The following LRP1B variants were observed in gnomAD, a reference collection of about 807,000 sequenced individuals.
The protein encoded by LRP1B is LDL receptor related protein 1B.
A neutral mutation model predicts 556.6 loss-of-function variants in LRP1B; 217 were observed. That is an observed-to-expected ratio of 0.39 (90% CI 0.35 to 0.44). The LOEUF is 0.44. Among genes scored for constraint, LRP1B ranks in the 20% least tolerant of loss-of-function variants. LRP1B has a pLI of 1.00. For synonymous variants in LRP1B, 2,047 were observed against 1,865.8 expected, an observed-to-expected ratio of 1.10 and a Z score of -2.50; for missense variants, 5,053 against 5,620.8, an observed-to-expected ratio of 0.90 and a Z score of 3.23.
At chr2:140,554,075 C>T (rs1234310222) in intron 43 of LRP1B, among the ~76,000 whole-genome samples, 1 of 152,038 alleles carries the variant, frequency 6.6e-6, no homozygotes, top group African/African-American at 2.4e-5. Context: ...TATTCTGAGA[C>T]TCATTATTTT....
In LRP1B at chr2:141,302,547, T is replaced by A. The variant is rs539377587; in HGVS notation, c.344-47906A>T. Among the ~76,000 whole-genome samples, 39 of 152,212 alleles carry A rather than the reference T, an allele frequency of 2.6e-4. No homozygotes were observed. In the South Asian group the frequency reaches 6.2e-3, roughly 24 times the overall value. On this transcript the variant is annotated intron_variant, in intron 3 of 90. Coordinates refer to ENST00000389484, the MANE Select transcript of LRP1B (RefSeq NM_018557.3). ...TCCTTTTTAATTTCTCATGTTGACC[T>A]ATGCCATTTGTTTCATAAAAACAAA...
chr2:141,050,908 T>G (rs1166548455), intron 10 of LRP1B, among the ~76,000 whole-genome samples: 2 of 149,500 alleles, frequency 1.3e-5, no homozygotes, highest in Admixed American at 6.8e-5. Context: ...GTATCCAGAA[T>G]CTACAAGGAA....
intron 2 of LRP1B, among the ~76,000 whole-genome samples, chr2:141,733,918 G>A (rs934520181): frequency 4.6e-5 from 7 of 152,010 alleles, no homozygotes; most frequent in Admixed American, 1.3e-4. Context: ...AACCTATAAT[G>A]TTTAATTGCA....
intron 1 of LRP1B, among the ~76,000 whole-genome samples, chr2:141,854,894 A>G (rs941147785): frequency 1.9e-4 from 29 of 149,346 alleles, no homozygotes; most frequent in Non-Finnish European, 3.4e-4. Context: ...AAAAAGTCCT[A>G]AAAAAAATAG....
chr2:140,458,284 T>C (rs1687184742), intron 60 of LRP1B, among the ~76,000 whole-genome samples: 1 of 152,138 alleles, frequency 6.6e-6, no homozygotes, highest in Non-Finnish European at 1.5e-5. Flanking sequence ...AATTTAATAG[T>C]CATAAAACAG....
intron 12 of LRP1B, among the ~76,000 whole-genome samples, chr2:141,019,308 C>T (rs1288904303): frequency 6.6e-6 from 1 of 152,020 alleles, no homozygotes; most frequent in African/African-American, 2.4e-5. Flanking sequence ...TCACCCTAGA[C>T]TAATAAAAAG....
At position 140,388,445 on chromosome 2, in the gene LRP1B, A is replaced by G. The variant is rs1047150270; in HGVS notation, c.10415-2436T>C. Among the ~76,000 whole-genome samples the G allele has an allele frequency of 1.3e-4, 20 of 151,930 alleles. No individual in the cohort carries two copies. In the East Asian group the frequency reaches 3.9e-3, roughly 29 times the overall value. ...ATTTTTTTTTCTAAATCCATTTTGT[A>G]TTTTTTCTATATTTAAACATTTGTA... On this transcript the variant is annotated intron_variant, in intron 66 of 90. Coordinates refer to ENST00000389484, the MANE Select transcript of LRP1B (RefSeq NM_018557.3).
intron 1 of LRP1B, among the ~76,000 whole-genome samples, chr2:141,973,072 T>C: frequency 6.6e-6 from 1 of 151,714 alleles, no homozygotes; most frequent in East Asian, 1.9e-4. Context: ...TGTAGTGTTT[T>C]ATCAATATAT....
At chr2:141,651,040 C>A (rs1437352) in intron 2 of LRP1B, among the ~76,000 whole-genome samples, 1 of 151,950 alleles carries the variant, frequency 6.6e-6, no homozygotes, top group African/African-American at 2.4e-5. Context: ...CTTATCCATG[C>A]CGGACTTTAC....
At chr2:141,895,003 G>A (rs1438282193) in intron 1 of LRP1B, among the ~76,000 whole-genome samples, 3 of 142,614 alleles carry the variant, frequency 2.1e-5, no homozygotes, top group East Asian at 2.1e-4. Flanking sequence ...AGTTGAGTTC[G>A]TGCCATTGCA....
At chr2:142,082,406 G>A (rs1291365398) in intron 1 of LRP1B, among the ~76,000 whole-genome samples, 1 of 152,156 alleles carries the variant, frequency 6.6e-6, no homozygotes, top group East Asian at 1.9e-4. Context: ...TATCATTGGG[G>A]AGAGAATTCT....
At chr2:141,258,549 C>T (rs765978019) in intron 3 of LRP1B, among the ~76,000 whole-genome samples, 17 of 152,166 alleles carry the variant, frequency 1.1e-4, no homozygotes, top group Non-Finnish European at 2.5e-4. Context: ...ATTCCCCTGA[C>T]ACAGATCCAC....
At chr2:140,820,209 G>C (rs1160991010) in intron 31 of LRP1B, among the ~76,000 whole-genome samples, 2 of 152,056 alleles carry the variant, frequency 1.3e-5, no homozygotes, top group African/African-American at 4.8e-5. Context: ...TGAACTCCTG[G>C]CCTAAAGTGA....
intron 1 of LRP1B, among the ~76,000 whole-genome samples, chr2:142,093,065 G>C (rs1187436279): frequency 1.3e-5 from 2 of 151,952 alleles, no homozygotes; most frequent in East Asian, 3.9e-4. Context: ...TCTCCTGTCT[G>C]GTACTTTCAC....
chr2:140,776,869 T>TAA (rs34595856), intron 32 of LRP1B, among the ~76,000 whole-genome samples: 7 of 151,744 alleles, frequency 4.6e-5, no homozygotes, highest in African/African-American at 1.5e-4. Context: ...GTGCCACAGA[T>TAA]AAAAAAATAG....
intron 27 of LRP1B, among the ~76,000 whole-genome samples, chr2:140,861,323 C>T (rs1443707221): frequency 6.6e-6 from 1 of 152,190 alleles, no homozygotes; most frequent in Non-Finnish European, 1.5e-5. Context: ...TGGAGAATCG[C>T]TTGAACCTGG....
chr2:140,537,119 G>C lies in LRP1B; in HGVS notation c.7514-410C>G, dbSNP rs1335398941. Among the ~76,000 whole-genome samples the C allele has an allele frequency of 2.0e-5, 3 of 149,968 alleles. No individual in the cohort carries two copies. The Admixed American group carries it at 2.0e-4, about 10-fold the overall frequency. On this transcript the variant is annotated intron_variant, in intron 45 of 90. Coordinates refer to ENST00000389484, the MANE Select transcript of LRP1B (RefSeq NM_018557.3). ...CCGGGAGGCAGAGGTTGTAGTGAGT[G>C]GAGATCTTGCCACTGCACTCCAGCC...
intron 11 of LRP1B, among the ~76,000 whole-genome samples, chr2:141,025,235 C>A (rs539912702): frequency 6.6e-6 from 1 of 151,924 alleles, no homozygotes; most frequent in Non-Finnish European, 1.5e-5. Flanking sequence ...ACACCTAAAG[C>A]AATAAATGCA....
intron 77 of LRP1B, among the ~76,000 whole-genome samples, chr2:140,343,622 A>G (rs1328627485): frequency 2.0e-5 from 3 of 151,842 alleles, no homozygotes; most frequent in Admixed American, 1.3e-4. Context: ...AACAAAGTAA[A>G]CAGCAGAAAT....
Sources: gnomAD v4.1 joint callset for allele counts (sites outside exome capture counted in the v4.1 genomes callset) on GRCh38, gnomAD v4.1.1 for gene constraint, MANE v1.5 for transcripts, NCBI Gene and HGNC (gene_info 2026-07-23, HGNC 2026-07-21) for gene names.